The following SCAF8 variants were observed in gnomAD, a reference collection of about 807,000 sequenced individuals.
The protein encoded by SCAF8 is SR-related CTD associated factor 8.
In SCAF8, 23 loss-of-function variants were observed where a neutral mutation model predicts 140.5. That is an observed-to-expected ratio of 0.16 (90% CI 0.12 to 0.23). SCAF8 has a LOEUF of 0.23. SCAF8 is among the 10% of genes least tolerant of loss of function. The pLI is 1.00. For synonymous variants in SCAF8, 575 were observed against 528.9 expected, an observed-to-expected ratio of 1.09 and a Z score of -1.20; for missense variants, 1,397 against 1,555.7, an observed-to-expected ratio of 0.90 and a Z score of 1.72.
intron 12 of SCAF8, 102 bp from the exon 13 acceptor site, chr6:154,815,614 A>G (rs1321628381): frequency 8.5e-6 from 4 of 469,650 alleles, no homozygotes; most frequent in African/African-American, 7.9e-5. Flanking sequence ...ATATTATCTT[A>G]AATTTAATTA....
intron 1 of SCAF8, among the ~76,000 whole-genome samples, chr6:154,748,528 A>C (rs1239617556): frequency 6.6e-6 from 1 of 151,922 alleles, no homozygotes; most frequent in Non-Finnish European, 1.5e-5. Flanking sequence ...TTACCATGTT[A>C]CTTTTTTTTT....
chr6:154,782,417 T>TCAAAACAAAACAAAACAAAA (rs200726820), intron 3 of SCAF8, among the ~76,000 whole-genome samples: 45 of 151,830 alleles, frequency 3.0e-4, no homozygotes, highest in African/African-American at 1.1e-3. Context: ...AGAGCTTGTC[T>TCAAAACAAAACAAAACAAAA]CAAAACAAAA....
chr6:154,765,415 C>G (rs1405749947), intron 1 of SCAF8, among the ~76,000 whole-genome samples: 1 of 152,146 alleles, frequency 6.6e-6, no homozygotes, highest in East Asian at 1.9e-4. Flanking sequence ...GTTGAATAAA[C>G]TTGTACTCTA....
At chr6:154,807,862 T>G (rs1777967613) in intron 9 of SCAF8, among the ~76,000 whole-genome samples, 1 of 152,376 alleles carries the variant, frequency 6.6e-6, no homozygotes. Flanking sequence ...CTTCCTTTTA[T>G]GGAGCTGTTC....
chr6:154,734,023 GT>G, intron 1 of SCAF8, 93 bp downstream of exon 1: 3 of 1,420,180 alleles, frequency 2.1e-6, no homozygotes, highest in Non-Finnish European at 2.8e-6. Context: ...GGGCCTGCGG[GT>G]TTTTTAAGGG....
rs190226096 is a variant in SCAF8 at position 154,787,764 on chromosome 6, A to G, written c.160-97A>G. ...AATATTCATTACCATAGCATAGGCA[A>G]TGTCTTTGTATTTACACAGGATTTT... On this transcript the variant is annotated intron_variant, in intron 3 of 19. Transcript: ENST00000367178. The G allele has an allele frequency of 3.0e-4, 282 of 946,932 alleles. 1 individual carries two copies. In the African/African-American group the frequency reaches 3.3e-3, roughly 11 times the overall value. 58.7% of individuals were successfully genotyped at this position (946,932 alleles called of 1,614,324 possible).
chr6:154,766,413 TAGG>T, intron 1 of SCAF8, among the ~76,000 whole-genome samples: 1 of 152,340 alleles, frequency 6.6e-6, no homozygotes, highest in Middle Eastern at 3.4e-3. Context: ...GCCTGTGTCA[TAGG>T]AGGGTTTGTG....
intron 2 of SCAF8, among the ~76,000 whole-genome samples, chr6:154,777,515 C>T (rs1270802371): frequency 6.6e-6 from 1 of 152,104 alleles, no homozygotes; most frequent in Non-Finnish European, 1.5e-5. Context: ...CCAGGAGAAG[C>T]AGAAGGAGAT....
intron 6 of SCAF8, 120 bp downstream of exon 6, chr6:154,795,259 A>G (rs764324553): frequency 5.3e-4 from 410 of 771,146 alleles, no homozygotes; most frequent in Middle Eastern, 4.4e-3. Context: ...AAATGGGACC[A>G]TTATGTATAC....
chr6:154,818,176 T>A (rs940225743), intron 13 of SCAF8, among the ~76,000 whole-genome samples: 56 of 152,230 alleles, frequency 3.7e-4, no homozygotes, highest in African/African-American at 1.3e-3. Context: ...TTTTGTTTTG[T>A]TTTTAATAGT....
chr6:154,735,043 G>A (rs992129051), intron 1 of SCAF8, among the ~76,000 whole-genome samples: 1 of 151,452 alleles, frequency 6.6e-6, no homozygotes, highest in Non-Finnish European at 1.5e-5. Flanking sequence ...AGAATCGCTT[G>A]AACCTGGGAA....
intron 4 of SCAF8, among the ~76,000 whole-genome samples, chr6:154,791,129 A>G (rs1473311112): frequency 6.6e-6 from 1 of 152,212 alleles, no homozygotes; most frequent in Non-Finnish European, 1.5e-5. Flanking sequence ...ATCTTGAGAC[A>G]TTATTCTTCA....
At chr6:154,784,497 T>TG (rs1777194609) in intron 3 of SCAF8, among the ~76,000 whole-genome samples, 1 of 152,206 alleles carries the variant, frequency 6.6e-6, no homozygotes, top group African/African-American at 2.4e-5. Context: ...ACAGTCACTC[T>TG]TCCGTTTCTG....
At chr6:154,790,559 G>C (rs1246495125) in intron 4 of SCAF8, among the ~76,000 whole-genome samples, 1 of 127,424 alleles carries the variant, frequency 7.8e-6, no homozygotes, top group Admixed American at 9.8e-5. Flanking sequence ...TGCCCAGGCT[G>C]GAGTGCAGTG....
intron 1 of SCAF8, among the ~76,000 whole-genome samples, chr6:154,744,139 A>G (rs1465565733): frequency 6.6e-6 from 1 of 152,190 alleles, no homozygotes. Flanking sequence ...CTAAAAATAT[A>G]AAAATTAGCC....
At position 154,750,934 on chromosome 6, in the gene SCAF8, CAT is replaced by C. The variant is rs201933584; in HGVS notation, c.30+17005_30+17006del. On this transcript the variant is annotated intron_variant, in intron 1 of 19. Coordinates refer to ENST00000367178, the MANE Select transcript of SCAF8 (RefSeq NM_014892.5). Reference sequence around the variant, plus strand: ...TTAATAGTACTATATTAAAAGGTAACATGTTTTCATTTTGATGTTTACAAAAG... The same window carrying C: ...TTAATAGTACTATATTAAAAGGTAACGTTTTCATTTTGATGTTTACAAAAG... 5.4e-3 allele frequency among the ~76,000 whole-genome samples: 819 copies of C among 152,124 alleles called. 5 individuals are homozygous for C. Among genetic ancestry groups the C allele is most frequent in the Non-Finnish European group, 6.6e-3 (447 of 68,012 alleles).
At chr6:154,751,596 C>T (rs1344692899) in intron 1 of SCAF8, among the ~76,000 whole-genome samples, 2 of 152,118 alleles carry the variant, frequency 1.3e-5, no homozygotes, top group South Asian at 2.1e-4. Context: ...AATCAAGATT[C>T]AGAAATGATT....
At chr6:154,744,243 G>C (rs1488652218) in intron 1 of SCAF8, among the ~76,000 whole-genome samples, 1 of 152,176 alleles carries the variant, frequency 6.6e-6, no homozygotes, top group African/African-American at 2.4e-5. Flanking sequence ...AGTGAGCTGA[G>C]ATTGCACCAC....
intron 1 of SCAF8, 54 bp from the exon 2 acceptor site, chr6:154,773,935 C>T: frequency 9.2e-7 from 1 of 1,091,440 alleles, no homozygotes; most frequent in East Asian, 2.4e-5. Context: ...TTGGTAGTTT[C>T]ATGTAATTGC....
Sources: allele counts gnomAD v4.1 joint callset (sites outside exome capture counted in the v4.1 genomes callset), GRCh38; gene constraint gnomAD v4.1.1; transcripts MANE v1.5; gene names NCBI Gene and HGNC (gene_info 2026-07-23, HGNC 2026-07-21).